Variants in CACNA2D3 observed in about 807,000 individuals in gnomAD.
CACNA2D3 encodes voltage-dependent calcium channel subunit alpha-2/delta-3.
Under a neutral mutation model 160.6 loss-of-function variants are expected in CACNA2D3, and 60 were observed. The ratio of observed to expected loss-of-function variants is 0.37; its 90% CI spans 0.30 to 0.46. The LOEUF is 0.46. Ranked by LOEUF, CACNA2D3 falls within the 20% of genes least tolerant of loss-of-function variation. CACNA2D3 has a pLI of 1.00. For synonymous variants in CACNA2D3, 558 were observed against 492.9 expected (o/e 1.13, Z -1.75); for missense variants, 1,205 against 1,365.0 (o/e 0.88, Z 1.85).
chr3:54,691,719 T>G (rs1211451750), intron 11 of CACNA2D3, among the ~76,000 whole-genome samples: 3 of 152,120 alleles, frequency 2.0e-5, no homozygotes, highest in Non-Finnish European at 4.4e-5. Flanking sequence ...GGGGCCTATG[T>G]GAGTGAGGAT....
chr3:54,863,892 G>A (rs1318300690), intron 17 of CACNA2D3, among the ~76,000 whole-genome samples: 3 of 152,104 alleles, frequency 2.0e-5, no homozygotes, highest in Non-Finnish European at 4.4e-5. Context: ...GACATGCCCC[G>A]TTGCCTCCTT....
rs534697930 is a variant in CACNA2D3 at position 54,633,013 on chromosome 3, G to A, written c.1053+5137G>A. Reference sequence around the variant, plus strand: ...TCATTAACTCAGTTGCACATGTGCAGTCGGAGTTGCAGGAGTGGCTGCCAG... The same window carrying A: ...TCATTAACTCAGTTGCACATGTGCAATCGGAGTTGCAGGAGTGGCTGCCAG... On this transcript the variant is annotated intron_variant, in intron 10 of 37. Coordinates refer to ENST00000474759, the MANE Select transcript of CACNA2D3 (RefSeq NM_018398.3). 2.0e-5 allele frequency among the ~76,000 whole-genome samples: 3 copies of A among 152,332 alleles called. No homozygotes were observed. The East Asian group carries it at 5.8e-4, about 29-fold the overall frequency.
At chr3:54,636,743 G>T (rs1699381677) in intron 10 of CACNA2D3, among the ~76,000 whole-genome samples, 1 of 151,972 alleles carries the variant, frequency 6.6e-6, no homozygotes, top group Non-Finnish European at 1.5e-5. Context: ...AGATTAATCG[G>T]ACACGATCAG....
intron 2 of CACNA2D3, among the ~76,000 whole-genome samples, chr3:54,137,663 C>T (rs1253482588): frequency 6.6e-6 from 1 of 152,154 alleles, no homozygotes; most frequent in Non-Finnish European, 1.5e-5. Context: ...TTTCATGAAA[C>T]ATCACTTAGT....
intron 5 of CACNA2D3, among the ~76,000 whole-genome samples, chr3:54,525,781 C>CT (rs961251165): frequency 7.1e-4 from 105 of 147,204 alleles, no homozygotes; most frequent in African/African-American, 1.3e-3. Context: ...TGGCCTTCAG[C>CT]TTTTTTTTTT....
chr3:54,167,730 A>G (rs2107306198), intron 2 of CACNA2D3, among the ~76,000 whole-genome samples: 1 of 152,284 alleles, frequency 6.6e-6, no homozygotes, highest in South Asian at 2.1e-4. Flanking sequence ...TGGAATAGTG[A>G]GGTCCTTGTC....
intron 2 of CACNA2D3, among the ~76,000 whole-genome samples, chr3:54,261,916 AC>A (rs1022723145): frequency 5.9e-5 from 9 of 151,510 alleles, no homozygotes; most frequent in Admixed American, 2.6e-4. Flanking sequence ...AATTGCACAG[AC>A]CCCCCCATGG....
chr3:54,834,823 T>G (rs1050246390), intron 14 of CACNA2D3, among the ~76,000 whole-genome samples: 1 of 152,170 alleles, frequency 6.6e-6, no homozygotes, highest in Non-Finnish European at 1.5e-5. Flanking sequence ...AGGCAGGCAG[T>G]CTGACATGCT....
At chr3:54,363,290 GACAAA>G (rs1336558850) in intron 3 of CACNA2D3, among the ~76,000 whole-genome samples, 3 of 152,010 alleles carry the variant, frequency 2.0e-5, no homozygotes, top group Admixed American at 6.6e-5. Flanking sequence ...TACACGATCG[GACAAA>G]ACAAAACAAA....
chr3:54,311,969 A>G (rs1240479731), intron 2 of CACNA2D3, among the ~76,000 whole-genome samples: 1 of 152,218 alleles, frequency 6.6e-6, no homozygotes, highest in African/African-American at 2.4e-5. Flanking sequence ...AAGAAAAAAA[A>G]GAACCTTAGG....
At chr3:54,835,822 A>G (rs1407543043) in intron 14 of CACNA2D3, among the ~76,000 whole-genome samples, 4 of 152,202 alleles carry the variant, frequency 2.6e-5, no homozygotes, top group Non-Finnish European at 5.9e-5. Flanking sequence ...GGACTCTGCT[A>G]CTTACTAGCT....
At chr3:55,011,803 T>C (rs1008191876) in intron 34 of CACNA2D3, among the ~76,000 whole-genome samples, 1 of 152,124 alleles carries the variant, frequency 6.6e-6, no homozygotes, top group African/African-American at 2.4e-5. Context: ...TTTGTTAAAA[T>C]TGCACATGAT....
At chr3:54,278,524 G>C (rs1224409972) in intron 2 of CACNA2D3, among the ~76,000 whole-genome samples, 1 of 152,114 alleles carries the variant, frequency 6.6e-6, no homozygotes, top group Non-Finnish European at 1.5e-5. Flanking sequence ...CTACTGTAAA[G>C]ATGTGCACAC....
intron 11 of CACNA2D3, among the ~76,000 whole-genome samples, chr3:54,701,562 G>A (rs1044796776): frequency 1.3e-5 from 2 of 152,088 alleles, no homozygotes; most frequent in African/African-American, 2.4e-5. Flanking sequence ...TCTACAACAC[G>A]AATTACAAAA....
chr3:54,138,417 C>G (rs959251320), intron 2 of CACNA2D3, among the ~76,000 whole-genome samples: 6 of 152,158 alleles, frequency 3.9e-5, no homozygotes, highest in Non-Finnish European at 7.3e-5. Flanking sequence ...CTCGGAGCAT[C>G]TGGTATTTTG....
rs572469534 is a variant in CACNA2D3 at position 54,998,300 on chromosome 3, T to A, written c.2691-6463T>A. Among the ~76,000 whole-genome samples the A allele has an allele frequency of 2.0e-5, 3 of 152,072 alleles. No homozygotes were observed. The East Asian group carries it at 5.8e-4, about 30-fold the overall frequency. ...ACAGGTGCGTGCCACCACGCCAGGC[T>A]AATTTGTATTTTTAATAGAGATGGG... On this transcript the variant is annotated intron_variant, in intron 31 of 37. Coordinates refer to ENST00000474759, the MANE Select transcript of CACNA2D3 (RefSeq NM_018398.3).
chr3:54,123,413 C>T, intron 1 of CACNA2D3, 100 bp from the exon 2 acceptor site: 1 of 839,700 alleles, frequency 1.2e-6, no homozygotes, highest in South Asian at 1.3e-5. Context: ...TTACATCGCA[C>T]TGCTCCTTCA....
At chr3:54,874,053 G>A (rs1413159987) in intron 18 of CACNA2D3, among the ~76,000 whole-genome samples, 1 of 152,128 alleles carries the variant, frequency 6.6e-6, no homozygotes, top group Non-Finnish European at 1.5e-5. Context: ...CAGATGCAGA[G>A]AATTTCTTGG....
chr3:54,446,330 G>C (rs1253579229), intron 4 of CACNA2D3, among the ~76,000 whole-genome samples: 2 of 152,088 alleles, frequency 1.3e-5, no homozygotes, highest in Admixed American at 6.6e-5. Context: ...ATAGAGCATA[G>C]AGAGGGAGGA....
Sources: gnomAD v4.1 joint callset for allele counts (sites outside exome capture counted in the v4.1 genomes callset) on GRCh38, gnomAD v4.1.1 for gene constraint, MANE v1.5 for transcripts, NCBI Gene and HGNC (gene_info 2026-07-23, HGNC 2026-07-21) for gene names.